The following BBX variants were observed in gnomAD, a reference collection of about 807,000 sequenced individuals.
The protein encoded by BBX is BBX high mobility group box domain containing.
A neutral mutation model predicts 100.2 loss-of-function variants in BBX; 30 were observed. That is an observed-to-expected ratio of 0.30 (90% CI 0.22 to 0.41). BBX has a LOEUF of 0.41. Ranked by LOEUF, BBX falls within the 10% of genes least tolerant of loss-of-function variation. The pLI is 1.00. For synonymous variants in BBX, 376 were observed against 388.1 expected (o/e 0.97, Z 0.37); for missense variants, 1,023 against 1,129.8 (o/e 0.91, Z 1.35).
At chr3:107,696,239 G>A (rs368886628) in intron 3 of BBX, among the ~76,000 whole-genome samples, 1 of 151,768 alleles carries the variant, frequency 6.6e-6, no homozygotes, top group Non-Finnish European at 1.5e-5. Flanking sequence ...TCCTGTCATT[G>A]TGATGTTAGC....
At chr3:107,615,761 G>C (rs1039550428) in intron 2 of BBX, among the ~76,000 whole-genome samples, 1 of 152,182 alleles carries the variant, frequency 6.6e-6, no homozygotes, top group Non-Finnish European at 1.5e-5. Context: ...CAGATACCTA[G>C]ATTGAGATAT....
At chr3:107,800,882 C>T (rs2070377510) in intron 16 of BBX, among the ~76,000 whole-genome samples, 1 of 152,224 alleles carries the variant, frequency 6.6e-6, no homozygotes, top group Non-Finnish European at 1.5e-5. Context: ...AGCCTCAGGG[C>T]ACAGTGCTGT....
chr3:107,535,648 A>G lies in BBX; in HGVS notation c.-84+9250A>G, dbSNP rs576960181. ...CACTCTGTCGCCTAGGCTGGAGTGC[A>G]GTGGCACAATCTCTGCTCACTGCAA... On this transcript the variant is annotated intron_variant, in intron 2 of 17. Transcript: ENST00000325805. Among the ~76,000 whole-genome samples the G allele has an allele frequency of 2.7e-4, 40 of 146,880 alleles. No homozygotes were observed. In the South Asian group the frequency reaches 7.0e-3, roughly 26 times the overall value.
chr3:107,531,164 T>A (rs2048134262), intron 2 of BBX, among the ~76,000 whole-genome samples: 1 of 152,208 alleles, frequency 6.6e-6, no homozygotes, highest in Non-Finnish European at 1.5e-5. Flanking sequence ...GTTCATTGAC[T>A]TTATGAGGTG....
rs556625054 is a variant in BBX, at chr3:107,576,323, T to G, written c.-84+49925T>G. ...TAGAATTAAATAGCTATTTTATGAT[T>G]GTATTGGCACAAATGTGATTTTTTC... On this transcript the variant is annotated intron_variant, in intron 2 of 17. Transcript: ENST00000325805. Among the ~76,000 whole-genome samples, 3 of 152,358 alleles carry G rather than the reference T, an allele frequency of 2.0e-5. No homozygotes were observed. The East Asian group carries it at 5.8e-4, about 29-fold the overall frequency.
At chr3:107,653,308 C>T (rs1284156902) in intron 3 of BBX, among the ~76,000 whole-genome samples, 2 of 152,196 alleles carry the variant, frequency 1.3e-5, no homozygotes, top group South Asian at 4.1e-4. Context: ...AGTCTTCTAA[C>T]AAGTGCTTTT....
chr3:107,622,005 A>ATGTATAGATTTCG (rs1445347100), intron 2 of BBX, among the ~76,000 whole-genome samples: 3 of 152,188 alleles, frequency 2.0e-5, no homozygotes, highest in Admixed American at 6.5e-5. Context: ...AGTTTAAAAC[A>ATGTATAGATTTCG]TGTATAGATT....
rs2071247892 is a variant in BBX at position 107,810,635 on chromosome 3, T to A, written c.*5178T>A. 6.6e-6 allele frequency: 1 copy of A among 152,282 alleles called. No individual in the cohort carries two copies. The highest frequency in any genetic ancestry group is 1.9e-4 in the East Asian group (1 of 5,176). 9.4% of individuals were successfully genotyped at this position (152,282 alleles called of 1,614,324 possible). On this transcript the variant is annotated 3_prime_UTR_variant, in exon 18 of 18. Coordinates refer to ENST00000325805, the MANE Select transcript of BBX (RefSeq NM_001142568.3). ...TGACTCCTCACATGAGTGCCTCAGC[T>A]CTAAGAGCCGTGGAACGGGGGGTAG...
At position 107,716,793 on chromosome 3, in the gene BBX, T is replaced by C; in HGVS notation, c.349T>C (p.Trp117Arg). Residue 117 changes from tryptophan to arginine, a missense_variant, in exon 5 of 18, where the codon TGG becomes CGG. Around this residue, in one of 9 missense-constraint regions of BBX, gnomAD observed 229 missense variants for 226.3 expected, o/e 1.01. Coordinates refer to ENST00000325805, the MANE Select transcript of BBX (RefSeq NM_001142568.3). ...AGGTGCTACCAAGATACTAGCTGAT[T>C]GGTGGGCTGTTCTTGATCCAAAGGA... ...NRGATKILAD[W>R]WAVLDPKEKQ... The C allele has an allele frequency of 1.2e-6, 2 of 1,613,690 alleles. No homozygotes were observed. Among genetic ancestry groups the C allele is most frequent in the Non-Finnish European group, 1.7e-6 (2 of 1,179,698 alleles).
intron 7 of BBX, among the ~76,000 whole-genome samples, chr3:107,733,546 G>A (rs192716831): frequency 2.0e-5 from 3 of 152,236 alleles, no homozygotes; most frequent in African/African-American, 7.2e-5. Flanking sequence ...AGGCTGGAGT[G>A]CAGTGGCATG....
intron 2 of BBX, among the ~76,000 whole-genome samples, chr3:107,608,639 G>C (rs537377171): frequency 6.6e-6 from 1 of 152,096 alleles, no homozygotes; most frequent in Non-Finnish European, 1.5e-5. Flanking sequence ...TATTCAATCC[G>C]TAGATTGCTT....
rs957150736 is a variant in BBX, at chr3:107,626,939, A to G, written c.-83-18897A>G. On this transcript the variant is annotated intron_variant, in intron 2 of 17. Coordinates refer to ENST00000325805, the MANE Select transcript of BBX (RefSeq NM_001142568.3). ...AGTGCTAAGATTAAAGGTGTGAGCC[A>G]CCGCACCTGGCCTTCCATAGGACTT... 3.9e-5 allele frequency among the ~76,000 whole-genome samples: 6 copies of G among 152,146 alleles called. No individual in the cohort carries two copies. The East Asian group carries it at 1.2e-3, about 29-fold the overall frequency.
intron 2 of BBX, among the ~76,000 whole-genome samples, chr3:107,588,446 A>G (rs2053031926): frequency 6.6e-6 from 1 of 152,170 alleles, no homozygotes; most frequent in Non-Finnish European, 1.5e-5. Flanking sequence ...ACAAGCCAGG[A>G]GCTAACGTGT....
intron 2 of BBX, among the ~76,000 whole-genome samples, chr3:107,534,733 T>C (rs1182682160): frequency 6.6e-6 from 1 of 152,240 alleles, no homozygotes; most frequent in Admixed American, 6.5e-5. Context: ...TATGAAAGTG[T>C]CAGTTAGGAA....
At chr3:107,762,493 C>T (rs1464511121) in intron 10 of BBX, among the ~76,000 whole-genome samples, 2 of 152,216 alleles carry the variant, frequency 1.3e-5, no homozygotes, top group Non-Finnish European at 2.9e-5. Flanking sequence ...GTATATTTCT[C>T]TGGCACAAGC....
chr3:107,622,662 ATC>A (rs1298001295), intron 2 of BBX, among the ~76,000 whole-genome samples: 2 of 152,162 alleles, frequency 1.3e-5, no homozygotes, highest in Admixed American at 1.3e-4. Context: ...TAGAGTTGAT[ATC>A]TGTTGCTTGA....
chr3:107,783,829 C>T (rs2068144992), intron 13 of BBX, among the ~76,000 whole-genome samples: 1 of 151,968 alleles, frequency 6.6e-6, no homozygotes, highest in Non-Finnish European at 1.5e-5. Flanking sequence ...TCTTGTTGCT[C>T]ACTTTTTCCC....
chr3:107,562,499 ATGTAGTAATTCATTT>A (rs1239177131), intron 2 of BBX, among the ~76,000 whole-genome samples: 1 of 152,162 alleles, frequency 6.6e-6, no homozygotes, highest in Non-Finnish European at 1.5e-5. Flanking sequence ...ATCTCATTTT[ATGTAGTAATTCATTT>A]AGTTTTGACA....
rs1334354814 is a variant in BBX, at chr3:107,584,109, TA to T, written c.-84+57712del. ...TATATCATATATTATATATATTATA[TA>T]TTATATATAATATATATATTATTAT... On this transcript the variant is annotated intron_variant, in intron 2 of 17. Coordinates refer to ENST00000325805, the MANE Select transcript of BBX (RefSeq NM_001142568.3). Among the ~76,000 whole-genome samples, 131 of 14,820 alleles carry T rather than the reference TA, an allele frequency of 8.8e-3. 18 individuals carry two copies. Among genetic ancestry groups the T allele is most frequent in the African/African-American group, 0.038 (125 of 3,290 alleles). The allele number at this position is 14,820 out of a possible 152,430, so 9.7% of individuals were successfully genotyped here. A position where few individuals can be genotyped will look rare whatever the true frequency, so the allele number is the denominator to read the frequency against.
Sources: gnomAD v4.1 joint callset for allele counts (sites outside exome capture counted in the v4.1 genomes callset) on GRCh38, gnomAD v4.1.1 for gene constraint, gnomAD v4.1.1 regional missense constraint, MANE v1.5 for transcripts, NCBI Gene and HGNC (gene_info 2026-07-23, HGNC 2026-07-21) for gene names.